Variants in COL23A1 observed in about 807,000 individuals in gnomAD.
COL23A1 encodes the protein collagen type XXIII alpha 1 chain.
Under a neutral mutation model 99.3 loss-of-function variants are expected in COL23A1, and 97 were observed. That is an observed-to-expected ratio of 0.98 (90% CI 0.83 to 1.16). The LOEUF (loss-of-function observed/expected upper bound fraction) is 1.16, where lower values mean the gene tolerates loss of function less well. Ranked by LOEUF, COL23A1 falls within the 50% of genes most tolerant of loss-of-function variation. COL23A1 has a pLI of 0.00. For missense variants in COL23A1, 762 were observed against 757.4 expected, an observed-to-expected ratio of 1.01 and a Z score of -0.07; for synonymous variants, 320 against 308.2, an observed-to-expected ratio of 1.04 and a Z score of -0.40.
intron 12 of COL23A1, 119 bp from the exon 13 acceptor site, chr5:178,257,686 C>A (rs931787710): frequency 2.6e-5 from 26 of 989,222 alleles, no homozygotes; most frequent in Non-Finnish European, 3.7e-5. Context: ...GCACATGGTA[C>A]CAGGCAGCTC....
chr5:178,582,552 C>T (rs573837042), intron 1 of COL23A1, among the ~76,000 whole-genome samples: 4 of 152,184 alleles, frequency 2.6e-5, no homozygotes, highest in South Asian at 2.1e-4. Flanking sequence ...CAGAGGACAG[C>T]GGGGCACAGG....
intron 2 of COL23A1, among the ~76,000 whole-genome samples, chr5:178,419,960 C>T (rs572396407): frequency 9.8e-5 from 15 of 152,314 alleles, no homozygotes; most frequent in African/African-American, 3.4e-4. Context: ...GTTCTGACCA[C>T]GAGGCACCCC....
In COL23A1 at chr5:178,590,100, G is replaced by A. The variant is rs1764194965; in HGVS notation, c.98C>T (p.Ser33Phe). ...GGGRSATTAG[S>F]RAVSALCLLL... ...CAGGCACAGCGCGCTCACCGCCCGG[G>A]ACCCGGCCGTCGTCGCCGAGCGCCC... Residue 33 changes from serine (S) to phenylalanine (F), a missense_variant, in exon 1 of 29, where the codon TCC (serine) becomes TTC (phenylalanine). Physicochemically the swap from Ser to Phe is radical, Grantham distance 155. Coordinates refer to ENST00000390654, the MANE Select transcript of COL23A1 (RefSeq NM_173465.4). This position sits in a 1 kb window ranked among gnomAD's most constrained non-coding sequence, Gnocchi z 5.7. The A allele has an allele frequency of 7.9e-7, 1 of 1,268,192 alleles. No homozygotes were observed. Among genetic ancestry groups the A allele is most frequent in the South Asian group, 2.6e-5 (1 of 38,780 alleles). 78.6% of individuals were successfully genotyped at this position (1,268,192 alleles called of 1,614,324 possible). A position where few individuals can be genotyped will look rare whatever the true frequency, so the allele number is the denominator to read the frequency against.
chr5:178,297,245 G>A (rs780244685), intron 3 of COL23A1, among the ~76,000 whole-genome samples: 1 of 152,254 alleles, frequency 6.6e-6, no homozygotes, highest in African/African-American at 2.4e-5. Context: ...ACAAGGCTGG[G>A]CATGGTGGCT....
chr5:178,472,013 C>T lies in COL23A1; in HGVS notation c.361+88669G>A, dbSNP rs529531520. ...GCTGATTAAAATCCTGGGTGCAGGC[C>T]GGGCCTGGTGGCTCACACCTCTAAT... is the stretch of plus-strand genomic sequence containing the variant. On this transcript the variant is annotated intron_variant, in intron 2 of 28. Transcript: ENST00000390654. 5.9e-4 allele frequency among the ~76,000 whole-genome samples: 90 copies of T among 152,240 alleles called. 2 individuals carry two copies. In the South Asian group the frequency reaches 0.018, roughly 30 times the overall value.
intron 1 of COL23A1, among the ~76,000 whole-genome samples, chr5:178,585,727 A>AGGC (rs1562115542): frequency 9.2e-5 from 1 of 10,824 alleles, no homozygotes; most frequent in African/African-American, 3.0e-4. Flanking sequence ...CTGGGGTAAC[A>AGGC]CTCCACAGCC....
Position 178,326,969 on chromosome 5 carries a change from T to C in COL23A1, c.362-20050A>G, listed in dbSNP as rs529179392. On this transcript the variant is annotated intron_variant, in intron 2 of 28. Transcript: ENST00000390654. ...TCCTGACTTCGTGATCCGCCCACCTTGGCCTCCCAAAGTGCCGGGATTACA... is the reference window on the plus strand; with the variant it reads ...TCCTGACTTCGTGATCCGCCCACCTCGGCCTCCCAAAGTGCCGGGATTACA... Among the ~76,000 whole-genome samples, 8 of 152,330 alleles carry C rather than the reference T, an allele frequency of 5.3e-5. No individual in the cohort carries two copies. The East Asian group carries it at 5.8e-4, about 11-fold the overall frequency.
At chr5:178,263,364 G>T (rs371300882) in intron 8 of COL23A1, 40 bp from the exon 9 acceptor site, 11 of 1,295,902 alleles carry the variant, frequency 8.5e-6, no homozygotes, top group Non-Finnish European at 1.2e-5. Context: ...GAGGGGGAGG[G>T]GGTCCAGCCT....
intron 5 of COL23A1, 139 bp downstream of exon 5, chr5:178,288,185 A>T (rs1757258077): frequency 2.4e-6 from 2 of 839,196 alleles, no homozygotes; most frequent in Admixed American, 1.7e-5. Context: ...AGCTCACGCT[A>T]ATCGCCTCCA....
chr5:178,362,094 C>T (rs931926370), intron 2 of COL23A1, among the ~76,000 whole-genome samples: 5 of 152,210 alleles, frequency 3.3e-5, no homozygotes, highest in Non-Finnish European at 5.9e-5. Flanking sequence ...TTCCTAGGTC[C>T]AACTTTTAGC....
chr5:178,247,712 G>T, intron 21 of COL23A1, 63 bp downstream of exon 21: 2 of 1,564,164 alleles, frequency 1.3e-6, no homozygotes, highest in Non-Finnish European at 1.8e-6. Flanking sequence ...CTGGGACCTA[G>T]CCCCCACCCC....
At position 178,589,459 on chromosome 5, in the gene COL23A1, G is replaced by A. The variant is rs1237416496; in HGVS notation, c.294+445C>T. On this transcript the variant is annotated intron_variant, in intron 1 of 28. Coordinates refer to ENST00000390654, the MANE Select transcript of COL23A1 (RefSeq NM_173465.4). This position sits in a 1 kb window ranked among gnomAD's most constrained non-coding sequence, Gnocchi z 5.4. ...GGCCTGTCTGAGGCTTTCCTCCGCC[G>A]TGACCACCGCCTCTCCAGGTGTACC... Among the ~76,000 whole-genome samples, 2 of 152,122 alleles carry A rather than the reference G, an allele frequency of 1.3e-5. No individual in the cohort carries two copies. Among genetic ancestry groups the A allele is most frequent in the South Asian group, 2.1e-4 (1 of 4,828 alleles).
chr5:178,552,987 C>T (rs538679663), intron 2 of COL23A1, among the ~76,000 whole-genome samples: 7 of 152,138 alleles, frequency 4.6e-5, no homozygotes, highest in Admixed American at 2.6e-4. Flanking sequence ...GGATTACAGG[C>T]GTGAGCCACT....
chr5:178,586,350 T>G (rs1764006446), intron 1 of COL23A1, among the ~76,000 whole-genome samples: 1 of 152,156 alleles, frequency 6.6e-6, no homozygotes, highest in Non-Finnish European at 1.5e-5. Context: ...ATGACAGAGC[T>G]GGTAAATGGT....
At chr5:178,557,499 G>A (rs1320016836) in intron 2 of COL23A1, among the ~76,000 whole-genome samples, 5 of 152,162 alleles carry the variant, frequency 3.3e-5, no homozygotes, top group Non-Finnish European at 4.4e-5. Context: ...TGGCTGGGGC[G>A]AGAGAGAAGC....
rs547367190 is a variant in COL23A1, at chr5:178,353,070, T to C, written c.362-46151A>G. ...TGAGGAATTCATCCTCAGATATACT[T>C]CCACATATGCACAAAAGCATGATGT... is the stretch of plus-strand genomic sequence containing the variant. On this transcript the variant is annotated intron_variant, in intron 2 of 28. Coordinates refer to ENST00000390654, the MANE Select transcript of COL23A1 (RefSeq NM_173465.4). Among the ~76,000 whole-genome samples the C allele has an allele frequency of 3.9e-5, 6 of 152,262 alleles. No homozygotes were observed. In the South Asian group the frequency reaches 1.2e-3, roughly 32 times the overall value.
chr5:178,469,315 CT>C (rs1465024593), intron 2 of COL23A1, among the ~76,000 whole-genome samples: 1 of 152,156 alleles, frequency 6.6e-6, no homozygotes, highest in Non-Finnish European at 1.5e-5. Context: ...CTTGTTACCC[CT>C]GGGACACTGC....
In COL23A1 at chr5:178,281,428, T is replaced by C. The variant is rs1208265424; in HGVS notation, c.441+6896A>G. On this transcript the variant is annotated intron_variant, in intron 5 of 28. Coordinates refer to ENST00000390654, the MANE Select transcript of COL23A1 (RefSeq NM_173465.4). The surrounding 1 kb of genome is among the most constrained non-coding windows in gnomAD (Gnocchi z 4.0). ...CACAGACCACATTTCAGCCCAGAGC[T>C]CTCGCAGTCCCCTGGGGCCCCGGCT... Among the ~76,000 whole-genome samples, 1 of 152,046 alleles carries C rather than the reference T, an allele frequency of 6.6e-6. No homozygotes were observed. The highest frequency in any genetic ancestry group is 1.5e-5 in the Non-Finnish European group (1 of 67,998).
chr5:178,574,357 T>C (rs1441444048), intron 1 of COL23A1, among the ~76,000 whole-genome samples: 2 of 142,164 alleles, frequency 1.4e-5, no homozygotes, highest in East Asian at 4.2e-4. Flanking sequence ...ACTCTACACT[T>C]AAAATCTGTG....
Sources: gnomAD v4.1 joint callset for allele counts (sites outside exome capture counted in the v4.1 genomes callset) on GRCh38, gnomAD v4.1.1 for gene constraint, Gnocchi (gnomAD v3.1) non-coding constraint, MANE v1.5 for transcripts, NCBI Gene and HGNC (gene_info 2026-07-23, HGNC 2026-07-21) for gene names.